Variants in OR1J2 observed in about 807,000 individuals in gnomAD.
OR1J2 encodes olfactory receptor family 1 subfamily J member 2.
For synonymous variants in OR1J2, 142 were observed against 99.7 expected (o/e 1.42, Z -2.52); for missense variants, 304 against 246.1 (o/e 1.24, Z -1.57).
chr9:122,569,241 CTTCT>C, the OR1J2 span, among the ~76,000 whole-genome samples: 2 of 152,008 alleles, frequency 1.3e-5, no homozygotes, highest in East Asian at 3.9e-4. Context: ...TTGTTTTTCC[CTTCT>C]TTAATTCTCT....
chr9:122,552,405 G>A, the OR1J2 span, among the ~76,000 whole-genome samples: 4 of 152,178 alleles, frequency 2.6e-5, no homozygotes, highest in Non-Finnish European at 5.9e-5. Flanking sequence ...ATGTAGGGGT[G>A]AAGGCACAGG....
the OR1J2 span, among the ~76,000 whole-genome samples, chr9:122,474,692 C>T: frequency 6.6e-6 from 1 of 152,212 alleles, no homozygotes; most frequent in Non-Finnish European, 1.5e-5. Context: ...GAAGACATCT[C>T]TTTGTATCTT....
chr9:122,496,279 G>T, the OR1J2 span, among the ~76,000 whole-genome samples: 9 of 152,240 alleles, frequency 5.9e-5, no homozygotes, highest in East Asian at 1.7e-3. Flanking sequence ...GGTGGGCAGG[G>T]CCATAGAGCT....
At chr9:122,569,112 G>A in the OR1J2 span, among the ~76,000 whole-genome samples, 1 of 151,966 alleles carries the variant, frequency 6.6e-6, no homozygotes, top group Non-Finnish European at 1.5e-5. Flanking sequence ...GACGACTGTT[G>A]AACGCAGTCA....
At chr9:122,553,690 T>C in the OR1J2 span, 1 of 1,614,096 alleles carries the variant, frequency 6.2e-7, no homozygotes, top group Non-Finnish European at 8.5e-7. Context: ...TGTCCTGCCC[T>C]GATGCACACA....
chr9:122,484,948 C>T, the OR1J2 span, among the ~76,000 whole-genome samples: 1 of 152,194 alleles, frequency 6.6e-6, no homozygotes, highest in East Asian at 1.9e-4. Flanking sequence ...GTGGGAGGGT[C>T]GCTTGAGCTC....
the OR1J2 span, among the ~76,000 whole-genome samples, chr9:122,505,480 C>T: frequency 6.6e-6 from 1 of 152,196 alleles, no homozygotes; most frequent in Non-Finnish European, 1.5e-5. Context: ...ACCCAATCAC[C>T]TCTTAAAGGG....
chr9:122,573,189 G>A, the OR1J2 span, among the ~76,000 whole-genome samples: 30 of 152,246 alleles, frequency 2.0e-4, no homozygotes, highest in East Asian at 3.3e-3. Flanking sequence ...ACCCCTCAGG[G>A]GAGTTTGTCC....
chr9:122,561,976 C>G, the OR1J2 span, among the ~76,000 whole-genome samples: 3 of 152,164 alleles, frequency 2.0e-5, no homozygotes, highest in African/African-American at 7.2e-5. Flanking sequence ...ACTATGGCCA[C>G]CCCTTCTACT....
At chr9:122,488,847 A>G in the OR1J2 span, among the ~76,000 whole-genome samples, 2 of 140,372 alleles carry the variant, frequency 1.4e-5, no homozygotes, top group African/African-American at 5.5e-5. Context: ...AAGAAAACAC[A>G]AGTTTCTTTT....
chr9:122,478,844 A>T, the OR1J2 span, among the ~76,000 whole-genome samples: 1 of 150,572 alleles, frequency 6.6e-6, no homozygotes, highest in Non-Finnish European at 1.5e-5. Flanking sequence ...CAGTGGTGAG[A>T]TCTCGGCACA....
the OR1J2 span, chr9:122,526,567 G>T: frequency 6.2e-7 from 1 of 1,613,844 alleles, no homozygotes; most frequent in Non-Finnish European, 8.5e-7. Context: ...ACAACGCAGA[G>T]GTGGGAACTG....
the OR1J2 span, among the ~76,000 whole-genome samples, chr9:122,482,712 A>T: frequency 1.3e-5 from 2 of 152,172 alleles, no homozygotes; most frequent in Admixed American, 1.3e-4. Context: ...GTGTGGCAAC[A>T]TGGATGAACC....
the OR1J2 span, among the ~76,000 whole-genome samples, chr9:122,521,806 G>C: frequency 6.6e-6 from 1 of 152,298 alleles, no homozygotes; most frequent in African/African-American, 2.4e-5. Flanking sequence ...CTGTTGTTCA[G>C]ATCCCTGAAG....
At chr9:122,477,756 G>A in the OR1J2 span, 743 of 1,614,108 alleles carry the variant, frequency 4.6e-4, no homozygotes, top group Non-Finnish European at 5.8e-4. Context: ...AGTACATGGG[G>A]GTGTGAAGGT....
At chr9:122,497,212 G>A in the OR1J2 span, among the ~76,000 whole-genome samples, 1 of 152,174 alleles carries the variant, frequency 6.6e-6, no homozygotes, top group African/African-American at 2.4e-5. Flanking sequence ...AGGGTCTGTG[G>A]ATTCTCTTGA....
At chr9:122,577,170 G>C in the OR1J2 span, among the ~76,000 whole-genome samples, 4 of 152,080 alleles carry the variant, frequency 2.6e-5, no homozygotes, top group African/African-American at 9.7e-5. Context: ...TTGTTTCTAT[G>C]ACCTAGTCTT....
At chr9:122,485,838 G>C in the OR1J2 span, among the ~76,000 whole-genome samples, 1 of 152,182 alleles carries the variant, frequency 6.6e-6, no homozygotes, top group African/African-American at 2.4e-5. Flanking sequence ...TATCTTTCCA[G>C]TTTGGCTGCA....
the OR1J2 span, among the ~76,000 whole-genome samples, chr9:122,520,395 A>G: frequency 6.6e-6 from 1 of 152,226 alleles, no homozygotes; most frequent in Non-Finnish European, 1.5e-5. Context: ...TTCCCTTGCC[A>G]TAGAAAAGTT....
Sources: gnomAD v4.1 joint callset for allele counts (sites outside exome capture counted in the v4.1 genomes callset) on GRCh38, gnomAD v4.1.1 for gene constraint, MANE v1.5 for transcripts, NCBI Gene and HGNC (gene_info 2026-07-23, HGNC 2026-07-21) for gene names.